Variants in NTRK3 observed in about 807,000 individuals in gnomAD.
NTRK3 encodes NT-3 growth factor receptor.
In NTRK3, 24 loss-of-function variants were observed where a neutral mutation model predicts 91.7. That is an observed-to-expected ratio of 0.26 (90% CI 0.19 to 0.37). NTRK3 has a LOEUF of 0.37. Among genes scored for constraint, NTRK3 ranks in the 10% least tolerant of loss-of-function variants. NTRK3 has a pLI of 1.00. For synonymous variants in NTRK3, 483 were observed against 404.0 expected (o/e 1.20, Z -2.34); for missense variants, 880 against 1,068.9 (o/e 0.82, Z 2.46).
At chr15:88,090,516 G>A (rs988183271) in intron 13 of NTRK3, among the ~76,000 whole-genome samples, 1 of 152,034 alleles carries the variant, frequency 6.6e-6, no homozygotes, top group Non-Finnish European at 1.5e-5. Flanking sequence ...CTCCCTATGG[G>A]ATAATCACTT....
chr15:87,955,937 G>A (rs185533639), intron 14 of NTRK3, among the ~76,000 whole-genome samples: 5 of 152,060 alleles, frequency 3.3e-5, no homozygotes, highest in African/African-American at 4.8e-5. Flanking sequence ...GACTCTTCTC[G>A]TCCTCCTGGA....
intron 5 of NTRK3, among the ~76,000 whole-genome samples, chr15:88,151,620 C>T (rs1186701223): frequency 6.6e-6 from 1 of 152,180 alleles, no homozygotes; most frequent in Non-Finnish European, 1.5e-5. Flanking sequence ...ACCCTGTTGC[C>T]AAGAGAAACC....
At chr15:88,183,529 G>T (rs2046695528) in intron 4 of NTRK3, 40 bp from the exon 5 acceptor site, 1 of 1,584,792 alleles carries the variant, frequency 6.3e-7, no homozygotes, top group Non-Finnish European at 8.7e-7. Context: ...AGCTCAAGTG[G>T]CAGAGGGATA....
intron 13 of NTRK3, among the ~76,000 whole-genome samples, chr15:88,057,923 C>T (rs2142408030): frequency 6.6e-6 from 1 of 152,342 alleles, no homozygotes; most frequent in South Asian, 2.1e-4. Context: ...ATGCCTGCTG[C>T]CAGTATGGGG....
intron 17 of NTRK3, among the ~76,000 whole-genome samples, chr15:87,890,499 A>G (rs1300115452): frequency 6.6e-6 from 1 of 152,074 alleles, no homozygotes; most frequent in Non-Finnish European, 1.5e-5. Context: ...AATTCATCCC[A>G]TAGCATCCTC....
At chr15:88,222,942 T>G (rs1032500009) in intron 3 of NTRK3, among the ~76,000 whole-genome samples, 17 of 152,188 alleles carry the variant, frequency 1.1e-4, no homozygotes, top group Non-Finnish European at 2.4e-4. Flanking sequence ...AGGATTCTTT[T>G]GGGGTTCTGG....
At chr15:87,987,872 G>C (rs979847927) in intron 14 of NTRK3, among the ~76,000 whole-genome samples, 1 of 151,324 alleles carries the variant, frequency 6.6e-6, no homozygotes, top group South Asian at 2.1e-4. Flanking sequence ...GTGAGAATCT[G>C]TCTCAAAATA....
intron 3 of NTRK3, among the ~76,000 whole-genome samples, chr15:88,192,344 G>A (rs910606921): frequency 6.6e-6 from 1 of 152,046 alleles, no homozygotes; most frequent in East Asian, 1.9e-4. Flanking sequence ...CCCAGCCTGT[G>A]GCCTCCTATC....
chr15:88,193,843 C>A (rs747930367), intron 3 of NTRK3, among the ~76,000 whole-genome samples: 2 of 152,140 alleles, frequency 1.3e-5, no homozygotes, highest in Non-Finnish European at 2.9e-5. Context: ...GAAAAAAAAC[C>A]TCCTTGACTC....
intron 3 of NTRK3, among the ~76,000 whole-genome samples, chr15:88,247,463 A>C (rs1367259905): frequency 6.6e-6 from 1 of 152,204 alleles, no homozygotes; most frequent in African/African-American, 2.4e-5. Flanking sequence ...TTCCAGATCT[A>C]GTAATTTATG....
intron 5 of NTRK3, among the ~76,000 whole-genome samples, chr15:88,182,010 C>G (rs1175180073): frequency 6.6e-6 from 1 of 152,196 alleles, no homozygotes; most frequent in Non-Finnish European, 1.5e-5. Flanking sequence ...AGACCCTCCT[C>G]TGGTCCCAGC....
intron 14 of NTRK3, among the ~76,000 whole-genome samples, chr15:87,988,890 A>G (rs1341290035): frequency 1.3e-5 from 2 of 152,144 alleles, no homozygotes; most frequent in Non-Finnish European, 2.9e-5. Context: ...GCTTATCATT[A>G]TATTTTTTTC....
chr15:88,095,634 A>C (rs2049506971), intron 13 of NTRK3, among the ~76,000 whole-genome samples: 1 of 152,208 alleles, frequency 6.6e-6, no homozygotes, highest in Admixed American at 6.5e-5. Context: ...GAGCAAGAAA[A>C]CCAGTTGAAT....
intron 14 of NTRK3, among the ~76,000 whole-genome samples, chr15:87,944,342 A>C (rs1173117909): frequency 6.6e-6 from 1 of 152,216 alleles, no homozygotes; most frequent in Non-Finnish European, 1.5e-5. Flanking sequence ...AGCTTCTTTC[A>C]CTGAACTTAC....
intron 15 of NTRK3, among the ~76,000 whole-genome samples, chr15:87,939,788 C>T (rs535609820): frequency 1.4e-4 from 21 of 152,320 alleles, no homozygotes; most frequent in African/African-American, 3.8e-4. Context: ...GAGATCTGTG[C>T]GTGCCTCCAT....
At chr15:88,053,372 GT>G (rs887640092) in intron 13 of NTRK3, among the ~76,000 whole-genome samples, 1 of 152,184 alleles carries the variant, frequency 6.6e-6, no homozygotes, top group Non-Finnish European at 1.5e-5. Flanking sequence ...AAATAGAAGG[GT>G]TTGGCTACAG....
intron 14 of NTRK3, among the ~76,000 whole-genome samples, chr15:87,989,726 C>T (rs894502050): frequency 2.0e-5 from 3 of 151,960 alleles, no homozygotes; most frequent in Admixed American, 2.0e-4. Flanking sequence ...CATGCCTCAG[C>T]CACTTAAGTA....
chr15:88,226,195 G>A (rs1598054110), intron 3 of NTRK3, among the ~76,000 whole-genome samples: 1 of 152,178 alleles, frequency 6.6e-6, no homozygotes, highest in African/African-American at 2.4e-5. Context: ...CTGGGACCAA[G>A]AGTCCTAAGC....
In NTRK3 at chr15:88,099,924, G is replaced by A. The variant is rs114999707; in HGVS notation, c.1396+26347C>T. ...CTTCAGGATTTGGGGAGGGGGACAT[G>A]GAGTTGACAAGGATACTTTGCACCT... On this transcript the variant is annotated intron_variant, in intron 13 of 18. Transcript: ENST00000394480. 9.9e-3 allele frequency among the ~76,000 whole-genome samples: 1,507 copies of A among 152,282 alleles called. 32 individuals are homozygous for A. The highest frequency in any genetic ancestry group is 0.034 in the African/African-American group (1,432 of 41,558).
Sources: allele counts gnomAD v4.1 joint callset (sites outside exome capture counted in the v4.1 genomes callset), GRCh38; gene constraint gnomAD v4.1.1; transcripts MANE v1.5; gene names NCBI Gene and HGNC (gene_info 2026-07-23, HGNC 2026-07-21).